Variants in HYCC1 observed in about 807,000 individuals in gnomAD.
HYCC1 encodes the protein hyccin.
At chr7:23,012,368 G>C in the HYCC1 span, among the ~76,000 whole-genome samples, 1 of 152,198 alleles carries the variant, frequency 6.6e-6, no homozygotes, top group African/African-American at 2.4e-5. Flanking sequence ...CGCTGACCCA[G>C]CTAATGCCTT....
At chr7:22,954,155 C>A in the HYCC1 span, among the ~76,000 whole-genome samples, 2,380 of 151,164 alleles carry the variant, frequency 0.016, 64 homozygotes, top group African/African-American at 0.054. Flanking sequence ...AATAAATGTT[C>A]CATTTCAAGA....
the HYCC1 span, among the ~76,000 whole-genome samples, chr7:22,922,758 C>G: frequency 6.6e-6 from 1 of 152,106 alleles, no homozygotes; most frequent in African/African-American, 2.4e-5. Context: ...AAAAAAACTA[C>G]AGTGGCCATA....
the HYCC1 span, chr7:22,941,706 T>C: frequency 9.2e-5 from 14 of 152,296 alleles, no homozygotes; most frequent in African/African-American, 3.1e-4. Context: ...TTACAAAGTA[T>C]AGAAGACAAT....
the HYCC1 span, among the ~76,000 whole-genome samples, chr7:22,915,360 T>C: frequency 6.6e-6 from 1 of 152,250 alleles, no homozygotes; most frequent in African/African-American, 2.4e-5. Context: ...CAGGTATTCC[T>C]TCGGGACCTC....
the HYCC1 span, among the ~76,000 whole-genome samples, chr7:22,906,657 A>G: frequency 6.6e-6 from 1 of 152,244 alleles, no homozygotes; most frequent in East Asian, 1.9e-4. Context: ...TAAAATATTA[A>G]AAGTAACAAA....
At chr7:22,927,125 T>C in the HYCC1 span, among the ~76,000 whole-genome samples, 5 of 152,198 alleles carry the variant, frequency 3.3e-5, no homozygotes, top group Non-Finnish European at 7.3e-5. Flanking sequence ...AGATGTTCTT[T>C]GAAACCAACG....
chr7:22,946,319 T>C, the HYCC1 span, among the ~76,000 whole-genome samples: 1 of 152,102 alleles, frequency 6.6e-6, no homozygotes, highest in Non-Finnish European at 1.5e-5. Context: ...AATCAAAACA[T>C]TTATTATAAA....
At chr7:22,917,928 A>G in the HYCC1 span, among the ~76,000 whole-genome samples, 1 of 152,070 alleles carries the variant, frequency 6.6e-6, no homozygotes, top group Non-Finnish European at 1.5e-5. Context: ...TATCTCCACC[A>G]CACTATCAAT....
chr7:22,909,448 A>G, the HYCC1 span, among the ~76,000 whole-genome samples: 4 of 152,138 alleles, frequency 2.6e-5, no homozygotes, highest in Admixed American at 2.0e-4. Flanking sequence ...TTAATTACCC[A>G]GTCTCAAGTA....
At chr7:22,944,639 C>G in the HYCC1 span, 55 of 152,092 alleles carry the variant, frequency 3.6e-4, no homozygotes, top group African/African-American at 1.2e-3. Flanking sequence ...TGCAGACAAA[C>G]AATTACATAT....
At chr7:22,925,870 C>T in the HYCC1 span, among the ~76,000 whole-genome samples, 1 of 152,052 alleles carries the variant, frequency 6.6e-6, no homozygotes, top group East Asian at 1.9e-4. Flanking sequence ...AACTCCAAGA[C>T]ACATAATTGT....
chr7:23,004,996 A>G, the HYCC1 span, among the ~76,000 whole-genome samples: 7 of 152,058 alleles, frequency 4.6e-5, no homozygotes, highest in South Asian at 2.1e-4. Flanking sequence ...TAGTAGAGAC[A>G]GGGTTTCACC....
At chr7:22,987,897 T>C in the HYCC1 span, among the ~76,000 whole-genome samples, 1 of 152,076 alleles carries the variant, frequency 6.6e-6, no homozygotes, top group African/African-American at 2.4e-5. Context: ...AATAAAACAA[T>C]CAAGCAGAAG....
the HYCC1 span, among the ~76,000 whole-genome samples, chr7:22,995,781 G>A: frequency 9.3e-4 from 141 of 152,254 alleles, no homozygotes; most frequent in African/African-American, 3.1e-3. Context: ...CATTGAGAGT[G>A]CACTGGACAT....
chr7:22,960,221 C>CA, the HYCC1 span: 24 of 1,596,826 alleles, frequency 1.5e-5, no homozygotes, highest in Non-Finnish European at 2.1e-5. Flanking sequence ...AAAGAATCAA[C>CA]AATGGTTTGA....
At chr7:22,919,876 GA>G in the HYCC1 span, among the ~76,000 whole-genome samples, 1 of 149,842 alleles carries the variant, frequency 6.7e-6, no homozygotes, top group East Asian at 2.0e-4. Context: ...GAAGAAAACA[GA>G]AAAAAAAACT....
chr7:22,996,798 T>C, the HYCC1 span, among the ~76,000 whole-genome samples: 1 of 152,092 alleles, frequency 6.6e-6, no homozygotes, highest in South Asian at 2.1e-4. Flanking sequence ...CCACATTTCA[T>C]ATATAATATG....
At chr7:22,939,239 A>G in the HYCC1 span, 1 of 152,174 alleles carries the variant, frequency 6.6e-6, no homozygotes, top group African/African-American at 2.4e-5. Flanking sequence ...TTTGTGCTAA[A>G]TTTTCAGTAG....
the HYCC1 span, among the ~76,000 whole-genome samples, chr7:22,985,121 T>C: frequency 3.9e-5 from 6 of 152,002 alleles, no homozygotes; most frequent in Non-Finnish European, 8.8e-5. Context: ...CAGTCAGTCA[T>C]TGCCAATCCT....
Sources: allele counts gnomAD v4.1 joint callset (sites outside exome capture counted in the v4.1 genomes callset), GRCh38; gene constraint gnomAD v4.1.1; transcripts MANE v1.5; gene names NCBI Gene and HGNC (gene_info 2026-07-23, HGNC 2026-07-21).